Variants in CLDND1 observed in about 807,000 individuals in gnomAD.
CLDND1 encodes the protein claudin domain-containing protein 1.
CLDND1 carries 13 observed loss-of-function variants against 26.3 expected under a neutral mutation model. The ratio of observed to expected loss-of-function variants is 0.49; its 90% CI spans 0.32 to 0.78. CLDND1 has a LOEUF of 0.78. Ranked by LOEUF, CLDND1 falls within the 30% of genes least tolerant of loss-of-function variation. CLDND1 has a pLI of 0.03. For synonymous variants in CLDND1, 107 were observed against 107.0 expected (o/e 1.00, Z 0.00); for missense variants, 289 against 312.8 (o/e 0.92, Z 0.57).
chr3:98,521,852 G>A lies in CLDND1; in HGVS notation c.-18-410C>T, dbSNP rs1033268105. The A allele has an allele frequency of 7.9e-6, 5 of 630,688 alleles. No individual in the cohort carries two copies. In the East Asian group the frequency reaches 1.1e-4, roughly 14 times the overall value. 39.1% of individuals were successfully genotyped at this position (630,688 alleles called of 1,614,324 possible). On this transcript the variant is annotated intron_variant, in intron 1 of 4. Coordinates refer to ENST00000341181, the MANE Select transcript of CLDND1 (RefSeq NM_001040181.2). Reference sequence around the variant, plus strand: ...AGGATTAAGTGTTCTGGGTTTGAGTGTTAAAAAGGCACAGGAAAAAGAAGC... The same window carrying A: ...AGGATTAAGTGTTCTGGGTTTGAGTATTAAAAAGGCACAGGAAAAAGAAGC...
chr3:98,520,405 T>C (rs988075694), intron 2 of CLDND1, among the ~76,000 whole-genome samples: 1 of 152,214 alleles, frequency 6.6e-6, no homozygotes, highest in East Asian at 1.9e-4. Context: ...ATGATTTGAA[T>C]ACAATGCTTC....
At chr3:98,522,765 G>A (rs981882301) in intron 1 of CLDND1, 84 bp downstream of exon 1, 57 of 1,610,124 alleles carry the variant, frequency 3.5e-5, no homozygotes, top group South Asian at 1.2e-4. Flanking sequence ...GACCACGCCC[G>A]GGAAGGGGGC....
At position 98,518,969 on chromosome 3, in the gene CLDND1, C is replaced by A. The variant is rs750869684; in HGVS notation, c.319G>T (p.Val107Leu). The A allele has an allele frequency of 1.2e-6, 2 of 1,611,994 alleles. No homozygotes were observed. Among genetic ancestry groups the A allele is most frequent in the Non-Finnish European group, 1.7e-6 (2 of 1,178,816 alleles). ...AACTGCTCAGTTAGTGTGAAACTCA[C>A]ACATTTTGTGACCACATCAAATGAC... ...TESFDVVTKC[V>L]SFTLTEQFME... The change falls in exon 3 of 5, where the codon GTG becomes TTG. Residue 107 changes from valine to leucine, a missense_variant. Transcript: ENST00000341181.
At chr3:98,522,789 G>A (rs576604712) in intron 1 of CLDND1, 60 bp downstream of exon 1, 7 of 1,613,034 alleles carry the variant, frequency 4.3e-6, no homozygotes, top group Non-Finnish European at 5.9e-6. Context: ...TCTTCAAACC[G>A]CCGGGAACAT....
intron 1 of CLDND1, chr3:98,522,366 G>A (rs547841028): frequency 1.4e-5 from 3 of 221,630 alleles, no homozygotes; most frequent in Non-Finnish European, 2.4e-5. Context: ...CACCGTGACC[G>A]CACCAAACAC....
At chr3:98,518,151 C>A (rs1212656577) in intron 3 of CLDND1, among the ~76,000 whole-genome samples, 2 of 152,106 alleles carry the variant, frequency 1.3e-5, no homozygotes, top group African/African-American at 2.4e-5. Flanking sequence ...AAACTTTACA[C>A]CTTTTGGTGC....
At chr3:98,521,728 A>G (rs1352541172) in intron 1 of CLDND1, 1 of 1,594,884 alleles carries the variant, frequency 6.3e-7, no homozygotes, top group Admixed American at 1.7e-5. Flanking sequence ...ACTGAAATGG[A>G]CATACACATT....
intron 1 of CLDND1, 51 bp downstream of exon 1, chr3:98,522,798 A>G (rs774649933): frequency 1.2e-6 from 2 of 1,613,432 alleles, no homozygotes; most frequent in South Asian, 1.1e-5. Context: ...CGCCGGGAAC[A>G]TGGAACCGCG....
At chr3:98,521,493 G>A in intron 1 of CLDND1, 51 bp from the exon 2 acceptor site, 1 of 1,557,042 alleles carries the variant, frequency 6.4e-7, no homozygotes, top group Non-Finnish European at 8.8e-7. Context: ...GGACAAATAA[G>A]AAAGATTATT....
At position 98,520,973 on chromosome 3, in the gene CLDND1, A is replaced by G. The variant is rs1706382634; in HGVS notation, c.292+160T>C. ...GATGAGTACCATGGTAATGCAAAGA[A>G]GTTGGGGAGAGAAGGCAGTAGAAAG... On this transcript the variant is annotated intron_variant, in intron 2 of 4. Coordinates refer to ENST00000341181, the MANE Select transcript of CLDND1 (RefSeq NM_001040181.2). The G allele has an allele frequency of 6.2e-6, 4 of 640,244 alleles. No homozygotes were observed. In the South Asian group the frequency reaches 8.0e-5, roughly 13 times the overall value. The allele number at this position is 640,244 out of a possible 1,614,324, so 39.7% of individuals were successfully genotyped here.
In CLDND1 at chr3:98,515,530, TG is replaced by T; in HGVS notation, c.*1128del. 1.2e-6 allele frequency: 1 copy of T among 825,572 alleles called. No individual in the cohort carries two copies. The highest frequency in any genetic ancestry group is 1.5e-6 in the Non-Finnish European group (1 of 655,464). 51.1% of individuals were successfully genotyped at this position (825,572 alleles called of 1,614,324 possible). ...TTTTTTAAAAAAGACATTGAGGTTA[TG>T]GTAAGAAATTATGAAGTTACATTTT... On this transcript the variant is annotated 3_prime_UTR_variant, in exon 5 of 5. Coordinates refer to ENST00000341181, the MANE Select transcript of CLDND1 (RefSeq NM_001040181.2).
chr3:98,521,592 T>A lies in CLDND1; in HGVS notation c.-18-150A>T. ...AATTTTTTTTAGAAAGCAAGCATGT[T>A]TTTAATTAAGCTTAAAACAAAACTC... On this transcript the variant is annotated intron_variant, in intron 1 of 4. Coordinates refer to ENST00000341181, the MANE Select transcript of CLDND1 (RefSeq NM_001040181.2). 3 of 1,541,444 alleles carry A rather than the reference T, an allele frequency of 1.9e-6. No individual in the cohort carries two copies. The African/African-American group carries it at 4.1e-5, about 21-fold the overall frequency.
At chr3:98,521,666 G>A (rs1299378096) in intron 1 of CLDND1, 1 of 1,612,446 alleles carries the variant, frequency 6.2e-7, no homozygotes, top group Admixed American at 1.7e-5. Context: ...GGATGCTACG[G>A]AGACAGAGGT....
intron 2 of CLDND1, 168 bp from the exon 3 acceptor site, chr3:98,519,163 G>A: frequency 1.8e-6 from 1 of 560,800 alleles, no homozygotes; most frequent in South Asian, 2.3e-5. Context: ...GGATGCCACT[G>A]GTTCTCAGTG....
Position 98,515,569 on chromosome 3 carries a change from A to T in CLDND1, c.*1090T>A. On this transcript the variant is annotated 3_prime_UTR_variant, in exon 5 of 5. Transcript: ENST00000341181. ...GAAGTTACATTTTTTTAATCTGTCA[A>T]TTGCTACAGTAGTGGAATAAATAAA... The T allele has an allele frequency of 1.0e-6, 1 of 959,300 alleles. No individual in the cohort carries two copies. Among genetic ancestry groups the T allele is most frequent in the Non-Finnish European group, 1.3e-6 (1 of 774,526 alleles). 59.4% of individuals were successfully genotyped at this position (959,300 alleles called of 1,614,324 possible). A position where few individuals can be genotyped will look rare whatever the true frequency, so the allele number is the denominator to read the frequency against.
In CLDND1 at chr3:98,516,771, C is replaced by T. The variant is rs773236328; in HGVS notation, c.650G>A (p.Cys217Tyr). Residue 217 changes from cysteine to tyrosine, a missense_variant, in exon 5 of 5, where the codon TGC (cysteine) becomes TAC (tyrosine). By Grantham distance (194) the Cys-to-Tyr change is radical. Transcript: ENST00000341181. ...NVSGEFGWSFCLACVSAPLQF... is the reference protein window; with the variant it reads ...NVSGEFGWSFYLACVSAPLQF... ...TAAGGGAGCAGAGACACAAGCCAGG[C>T]AGAAGGACCATCCAAATTCACCGGA... 9.9e-6 allele frequency: 16 copies of T among 1,614,014 alleles called. No individual in the cohort carries two copies. Among genetic ancestry groups the T allele is most frequent in the Non-Finnish European group, 1.4e-5 (16 of 1,180,014 alleles).
chr3:98,521,467 A>T, intron 1 of CLDND1, 25 bp from the exon 2 acceptor site: 1 of 1,596,204 alleles, frequency 6.3e-7, no homozygotes, highest in Non-Finnish European at 8.6e-7. Flanking sequence ...AAGAAAGAAG[A>T]TAAGTTAGAG....
rs1706130951 is a variant in CLDND1, at chr3:98,516,226, A to G, written c.*433T>C. On this transcript the variant is annotated 3_prime_UTR_variant, in exon 5 of 5. Transcript: ENST00000341181. ...CACTAATACTGCTGGTTGACTGGCT[A>G]TCTACAACAGCAAAGTGAACATAAA... 1 of 1,037,386 alleles carries G rather than the reference A, an allele frequency of 9.6e-7. No homozygotes were observed. The highest frequency in any genetic ancestry group is 1.2e-6 in the Non-Finnish European group (1 of 861,850). The allele number at this position is 1,037,386 out of a possible 1,614,324, so 64.3% of individuals were successfully genotyped here. A position where few individuals can be genotyped will look rare whatever the true frequency, so the allele number is the denominator to read the frequency against.
chr3:98,521,329 C>A lies in CLDND1; in HGVS notation c.96G>T (p.Trp32Cys). The A allele has an allele frequency of 6.2e-7, 1 of 1,614,124 alleles. No individual in the cohort carries two copies. Among genetic ancestry groups the A allele is most frequent in the Non-Finnish European group, 8.5e-7 (1 of 1,179,998 alleles). ...CTTGAACTGGACTTCGATATTCATA[C>A]CAGAAGTCTGTGCCAATGGAGGCTG... ...YMAASIGTDF[W>C]YEYRSPVQEN... Residue 32 changes from tryptophan (W) to cysteine (C), a missense_variant, in exon 2 of 5, where the codon TGG (tryptophan) becomes TGT (cysteine). By Grantham distance (215) the Trp-to-Cys change is radical. Coordinates refer to ENST00000341181, the MANE Select transcript of CLDND1 (RefSeq NM_001040181.2).
Sources: gnomAD v4.1 joint callset for allele counts (sites outside exome capture counted in the v4.1 genomes callset) on GRCh38, gnomAD v4.1.1 for gene constraint, MANE v1.5 for transcripts, NCBI Gene and HGNC (gene_info 2026-07-23, HGNC 2026-07-21) for gene names.